The following WWOX variants were observed in gnomAD, a reference collection of about 807,000 sequenced individuals.
WWOX encodes the protein WW domain-containing oxidoreductase.
A neutral mutation model predicts 46.2 loss-of-function variants in WWOX; 69 were observed. That is an observed-to-expected ratio of 1.49 (90% CI 1.23 to 1.82). WWOX has a LOEUF of 1.82. WWOX is among the 40% of genes most tolerant of loss of function. The pLI is 0.00. For missense variants in WWOX, 919 were observed against 542.6 expected, an observed-to-expected ratio of 1.69 and a Z score of -6.89; for synonymous variants, 359 against 202.6, an observed-to-expected ratio of 1.77 and a Z score of -6.56.
intron 8 of WWOX, among the ~76,000 whole-genome samples, chr16:78,462,101 T>G (rs545565300): frequency 9.8e-5 from 15 of 152,370 alleles, no homozygotes; most frequent in Non-Finnish European, 1.8e-4. Flanking sequence ...ATTAGAATGC[T>G]GCTCTTGAAG....
chr16:79,022,695 G>T (rs1385195565), intron 8 of WWOX, among the ~76,000 whole-genome samples: 1 of 152,138 alleles, frequency 6.6e-6, no homozygotes, highest in African/African-American at 2.4e-5. Context: ...CTGATGTAAG[G>T]GGCTGGAGCC....
intron 8 of WWOX, among the ~76,000 whole-genome samples, chr16:79,115,504 G>C (rs1346714186): frequency 6.6e-6 from 1 of 152,188 alleles, no homozygotes; most frequent in Non-Finnish European, 1.5e-5. Context: ...CCTTTTAGCA[G>C]CTGCCACAAA....
At chr16:79,054,120 G>GTTTTAGGC (rs2048219450) in intron 8 of WWOX, among the ~76,000 whole-genome samples, 1 of 152,108 alleles carries the variant, frequency 6.6e-6, no homozygotes, top group African/African-American at 2.4e-5. Context: ...GATCTTTAAT[G>GTTTTAGGC]TTTTAGGCTG....
At chr16:78,303,529 G>GT (rs977225756) in intron 5 of WWOX, among the ~76,000 whole-genome samples, 1 of 151,948 alleles carries the variant, frequency 6.6e-6, no homozygotes, top group African/African-American at 2.4e-5. Flanking sequence ...TTTGTTTTTT[G>GT]TTTTTGTTTG....
chr16:78,505,125 G>A (rs572004241), intron 8 of WWOX, among the ~76,000 whole-genome samples: 2 of 152,252 alleles, frequency 1.3e-5, no homozygotes, highest in African/African-American at 2.4e-5. Context: ...ACACCAGGCA[G>A]CCCCCACTCT....
intron 8 of WWOX, among the ~76,000 whole-genome samples, chr16:79,066,254 C>G (rs1033985186): frequency 6.6e-6 from 1 of 152,182 alleles, no homozygotes; most frequent in Non-Finnish European, 1.5e-5. Flanking sequence ...TTCCATACCT[C>G]CTCTGGTTAT....
chr16:78,321,485 G>C (rs559564218), intron 5 of WWOX, among the ~76,000 whole-genome samples: 10 of 151,134 alleles, frequency 6.6e-5, no homozygotes, highest in African/African-American at 2.2e-4. Flanking sequence ...ATCATGGGAA[G>C]GCTTATTGAA....
intron 4 of WWOX, among the ~76,000 whole-genome samples, chr16:78,156,337 G>T (rs7206273): frequency 1.1e-4 from 16 of 152,062 alleles, no homozygotes; most frequent in African/African-American, 3.9e-4. Context: ...GAAAAACGGC[G>T]TGCTTTTCCC....
chr16:78,641,309 G>A (rs117715404), intron 8 of WWOX, among the ~76,000 whole-genome samples: 2 of 151,902 alleles, frequency 1.3e-5, no homozygotes, highest in Non-Finnish European at 2.9e-5. Flanking sequence ...TATGACAATA[G>A]GACCCATCCT....
At chr16:78,944,729 C>T (rs891724184) in intron 8 of WWOX, among the ~76,000 whole-genome samples, 1 of 152,166 alleles carries the variant, frequency 6.6e-6, no homozygotes, top group African/African-American at 2.4e-5. Context: ...CCTCCTAGGA[C>T]TGCACTGCTG....
At chr16:78,302,133 G>T (rs542663712) in intron 5 of WWOX, among the ~76,000 whole-genome samples, 1 of 151,948 alleles carries the variant, frequency 6.6e-6, no homozygotes, top group South Asian at 2.1e-4. Flanking sequence ...GCTAACTTTT[G>T]TATTTTTAGT....
At chr16:78,629,344 A>T (rs970916349) in intron 8 of WWOX, among the ~76,000 whole-genome samples, 4 of 151,922 alleles carry the variant, frequency 2.6e-5, no homozygotes, top group Non-Finnish European at 4.4e-5. Context: ...TGAATTCCAA[A>T]TCTGTGAGTT....
At chr16:78,899,253 C>A (rs2044770142) in intron 8 of WWOX, 1 of 152,062 alleles carries the variant, frequency 6.6e-6, no homozygotes, top group Non-Finnish European at 1.5e-5. Context: ...TTCTAGTTTG[C>A]TGAGAGTTCT....
intron 8 of WWOX, among the ~76,000 whole-genome samples, chr16:79,165,573 A>C (rs1292584473): frequency 6.6e-6 from 1 of 152,156 alleles, no homozygotes; most frequent in African/African-American, 2.4e-5. Flanking sequence ...GTGCAGTTGT[A>C]TTCTGTTCCC....
chr16:79,086,633 C>G (rs943635554), intron 8 of WWOX, among the ~76,000 whole-genome samples: 22 of 152,278 alleles, frequency 1.4e-4, no homozygotes, highest in African/African-American at 5.3e-4. Context: ...GTAATTCCAA[C>G]ACTTTGGGAG....
rs144549141 is a variant in WWOX at position 78,507,240 on chromosome 16, T to C, written c.1056+74488T>C. Among the ~76,000 whole-genome samples the C allele has an allele frequency of 1.3e-3, 200 of 152,290 alleles. 4 individuals are homozygous for C. The highest frequency in any genetic ancestry group is 4.6e-3 in the African/African-American group (192 of 41,560). On this transcript the variant is annotated intron_variant, in intron 8 of 8. Coordinates refer to ENST00000566780, the MANE Select transcript of WWOX (RefSeq NM_016373.4). ...TTTAAAGACAAGATTAGCAGTAATA[T>C]ATAAACGTAAATAAGAATTTTTTTC...
At chr16:78,952,756 C>G (rs765914385) in intron 8 of WWOX, among the ~76,000 whole-genome samples, 1 of 152,052 alleles carries the variant, frequency 6.6e-6, no homozygotes, top group Non-Finnish European at 1.5e-5. Context: ...GTGTTTGTTT[C>G]GGTTCCCCAA....
intron 5 of WWOX, among the ~76,000 whole-genome samples, chr16:78,288,160 A>G (rs1200501703): frequency 6.6e-6 from 1 of 152,196 alleles, no homozygotes; most frequent in African/African-American, 2.4e-5. Context: ...AGGTTTTTAA[A>G]TGAAAAACGG....
chr16:79,173,647 A>C (rs551932920), intron 8 of WWOX, among the ~76,000 whole-genome samples: 1 of 152,164 alleles, frequency 6.6e-6, no homozygotes, highest in Non-Finnish European at 1.5e-5. Flanking sequence ...GAAGAAAAAA[A>C]AAAAACCCAC....
Sources: gnomAD v4.1 joint callset for allele counts (sites outside exome capture counted in the v4.1 genomes callset) on GRCh38, gnomAD v4.1.1 for gene constraint, MANE v1.5 for transcripts, NCBI Gene and HGNC (gene_info 2026-07-23, HGNC 2026-07-21) for gene names.